The following STPG2 variants were observed in gnomAD, a reference collection of about 807,000 sequenced individuals.
STPG2 encodes the protein sperm-tail PG-rich repeat-containing protein 2.
Under a neutral mutation model 54.2 loss-of-function variants are expected in STPG2, and 56 were observed. The ratio of observed to expected loss-of-function variants is 1.03; its 90% CI spans 0.83 to 1.29. The LOEUF (loss-of-function observed/expected upper bound fraction) is 1.29, where lower values mean the gene tolerates loss of function less well. Ranked by LOEUF, STPG2 falls within the 50% of genes most tolerant of loss-of-function variation. STPG2 has a pLI of 0.00. For missense variants in STPG2, 596 were observed against 544.9 expected, an observed-to-expected ratio of 1.09 and a Z score of -0.93; for synonymous variants, 200 against 181.8, an observed-to-expected ratio of 1.10 and a Z score of -0.81.
intron 9 of STPG2, among the ~76,000 whole-genome samples, chr4:97,720,884 A>C (rs1030229004): frequency 6.6e-6 from 1 of 151,946 alleles, no homozygotes; most frequent in African/African-American, 2.4e-5. Context: ...GTTAAATGCT[A>C]TTTTTCTAGA....
chr4:98,081,567 C>G (rs1475784400), intron 5 of STPG2, among the ~76,000 whole-genome samples: 1 of 152,148 alleles, frequency 6.6e-6, no homozygotes, highest in Non-Finnish European at 1.5e-5. Flanking sequence ...TTTGATTCAG[C>G]TTTACATGAA....
intron 10 of STPG2, among the ~76,000 whole-genome samples, chr4:97,559,337 A>G (rs1233579637): frequency 6.6e-6 from 1 of 152,132 alleles, no homozygotes; most frequent in Non-Finnish European, 1.5e-5. Flanking sequence ...TTTATATCTA[A>G]GTCTAGTACT....
chr4:97,929,898 T>TTTTG (rs1032108604), intron 8 of STPG2, among the ~76,000 whole-genome samples: 8 of 152,176 alleles, frequency 5.3e-5, no homozygotes, highest in South Asian at 2.1e-4. Flanking sequence ...CTTCCAGTTT[T>TTTTG]TTTGTTTGTT....
chr4:97,933,656 C>G (rs1053800483), intron 8 of STPG2, among the ~76,000 whole-genome samples: 1 of 152,082 alleles, frequency 6.6e-6, no homozygotes, highest in African/African-American at 2.4e-5. Context: ...TCAGGTTTGT[C>G]AAAGATCAGA....
At chr4:97,520,934 C>T (rs929142180) in intron 4 of STPG2, among the ~76,000 whole-genome samples, 8 of 151,828 alleles carry the variant, frequency 5.3e-5, no homozygotes, top group African/African-American at 1.9e-4. Flanking sequence ...ATTAAAATTA[C>T]TCTTGGTTTG....
intron 9 of STPG2, among the ~76,000 whole-genome samples, chr4:97,732,418 C>T (rs1017971262): frequency 2.0e-5 from 3 of 152,154 alleles, no homozygotes; most frequent in African/African-American, 7.2e-5. Context: ...GCCAGTTTTC[C>T]CAGCACACCA....
intron 4 of STPG2, among the ~76,000 whole-genome samples, chr4:97,503,624 T>A (rs1026949979): frequency 6.6e-6 from 1 of 151,408 alleles, no homozygotes; most frequent in African/African-American, 2.4e-5. Context: ...GAATTTGTAA[T>A]TCTGATTTTT....
At chr4:97,650,484 C>G (rs1722034075) in intron 10 of STPG2, among the ~76,000 whole-genome samples, 1 of 152,112 alleles carries the variant, frequency 6.6e-6, no homozygotes. Context: ...AAAGGCAAGA[C>G]AACTTGAAGC....
chr4:98,113,171 C>T (rs1375390031), intron 3 of STPG2, among the ~76,000 whole-genome samples: 1 of 152,020 alleles, frequency 6.6e-6, no homozygotes, highest in Admixed American at 6.6e-5. Context: ...GCAGCTTTAG[C>T]TGTGAAAGAG....
At chr4:97,944,341 A>G (rs1162879212) in intron 7 of STPG2, among the ~76,000 whole-genome samples, 1 of 151,878 alleles carries the variant, frequency 6.6e-6, no homozygotes, top group Admixed American at 6.6e-5. Context: ...AGCCAATTAT[A>G]TAGTATTATT....
At chr4:97,795,716 G>C (rs1383297874) in intron 9 of STPG2, among the ~76,000 whole-genome samples, 1 of 152,212 alleles carries the variant, frequency 6.6e-6, no homozygotes, top group Non-Finnish European at 1.5e-5. Context: ...TATATACCCA[G>C]TAATGGGATG....
At chr4:97,652,652 T>A (rs1722103783) in intron 10 of STPG2, among the ~76,000 whole-genome samples, 1 of 151,996 alleles carries the variant, frequency 6.6e-6, no homozygotes, top group Admixed American at 6.6e-5. Context: ...CCCTAAAGGA[T>A]ACCAGTAGGT....
chr4:98,028,579 T>A (rs190275223), intron 5 of STPG2, among the ~76,000 whole-genome samples: 98 of 152,312 alleles, frequency 6.4e-4, no homozygotes, highest in Middle Eastern at 3.4e-3. Context: ...CTGTTTAGGA[T>A]AATTTTCTTT....
intron 7 of STPG2, among the ~76,000 whole-genome samples, chr4:97,945,084 G>T (rs1026666333): frequency 3.9e-5 from 6 of 151,922 alleles, no homozygotes; most frequent in Admixed American, 3.9e-4. Flanking sequence ...ATAGCTTTTG[G>T]GGTACAAGTG....
chr4:97,733,336 G>A (rs1240460750), intron 9 of STPG2, among the ~76,000 whole-genome samples: 1 of 152,036 alleles, frequency 6.6e-6, no homozygotes, highest in Non-Finnish European at 1.5e-5. Flanking sequence ...AATAACACAG[G>A]AGTGGAAAAT....
intron 10 of STPG2, among the ~76,000 whole-genome samples, chr4:97,559,579 C>T (rs1190313628): frequency 2.6e-5 from 4 of 152,166 alleles, no homozygotes; most frequent in Non-Finnish European, 5.9e-5. Flanking sequence ...AAAAGCTATT[C>T]AGCTTCAATT....
chr4:97,651,709 G>A (rs1722072828), intron 10 of STPG2, among the ~76,000 whole-genome samples: 1 of 151,956 alleles, frequency 6.6e-6, no homozygotes, highest in African/African-American at 2.4e-5. Context: ...ATAGGAGATG[G>A]TTGACAGGAT....
intron 10 of STPG2, among the ~76,000 whole-genome samples, chr4:97,564,522 C>T (rs1732366768): frequency 6.6e-6 from 1 of 152,146 alleles, no homozygotes; most frequent in African/African-American, 2.4e-5. Context: ...CAGTTTCTTC[C>T]TAGCATCGAT....
chr4:98,119,900 C>G (rs1401624217), intron 3 of STPG2, among the ~76,000 whole-genome samples: 1 of 152,130 alleles, frequency 6.6e-6, no homozygotes, highest in Non-Finnish European at 1.5e-5. Flanking sequence ...CATGTCCCTG[C>G]AAAGGACATG....
Sources: allele counts gnomAD v4.1 joint callset (sites outside exome capture counted in the v4.1 genomes callset), GRCh38; gene constraint gnomAD v4.1.1; transcripts MANE v1.5; gene names NCBI Gene and HGNC (gene_info 2026-07-23, HGNC 2026-07-21).